The following MYG1 variants were observed in gnomAD, a reference collection of about 807,000 sequenced individuals.
MYG1 encodes the protein MYG1 exonuclease, also known as UPF0160 protein MYG1, mitochondrial.
A neutral mutation model predicts 43.5 loss-of-function variants in MYG1; 36 were observed. The observed-to-expected ratio is 0.83, with a 90% CI of 0.63 to 1.09. The LOEUF (loss-of-function observed/expected upper bound fraction) is 1.09, where lower values mean the gene tolerates loss of function less well. Ranked by LOEUF, MYG1 falls within the 50% of genes least tolerant of loss-of-function variation. The pLI is 0.00. For missense variants in MYG1, 529 were observed against 495.1 expected, an observed-to-expected ratio of 1.07 and a Z score of -0.65; for synonymous variants, 220 against 202.8, an observed-to-expected ratio of 1.08 and a Z score of -0.72.
In MYG1 at chr12:53,306,317, C is replaced by G; in HGVS notation, c.762C>G (p.Phe254Leu). ...ALVEEALAQRFQVDPSGEIVE... is the reference protein window; with the variant it reads ...ALVEEALAQRLQVDPSGEIVE... ...TGGAAGAGGCCCTTGCCCAGCGATT[C>G]CAGGTATAGGCCTTGGAGGAGGCAT... The change falls in exon 5 of 7, where the codon TTC (phenylalanine) becomes TTG (leucine). Residue 254 changes from phenylalanine to leucine, a missense_variant. Phe to Leu is a conservative substitution (Grantham distance 22, BLOSUM62 0). Transcript: ENST00000267103. 1 of 1,614,128 alleles carries G rather than the reference C, an allele frequency of 6.2e-7. No homozygotes were observed. Among genetic ancestry groups the G allele is most frequent in the Non-Finnish European group, 8.5e-7 (1 of 1,180,008 alleles).
chr12:53,307,031 C>T lies in MYG1; in HGVS notation c.1013C>T (p.Pro338Leu). 6.2e-7 allele frequency: 1 copy of T among 1,614,256 alleles called. No homozygotes were observed. The part of the protein sequence containing the change: ...DEALDQVSGI[P>L]GCIFVHASGF... ...GCCCTGGACCAGGTCAGTGGGATCC[C>T]TGGCTGCATCTTCGTCCATGCAAGC... The change falls in exon 7 of 7, where the codon CCT becomes CTT. Residue 338 changes from proline (P) to leucine (L), a missense_variant. Pro to Leu is a moderately conservative substitution (Grantham distance 98). Coordinates refer to ENST00000267103, the MANE Select transcript of MYG1 (RefSeq NM_021640.4).
chr12:53,304,079 G>A (rs999962020), intron 3 of MYG1, among the ~76,000 whole-genome samples: 13 of 151,774 alleles, frequency 8.6e-5, no homozygotes, highest in African/African-American at 2.9e-4. Flanking sequence ...TCCTGACCTC[G>A]TGATCTGCCC....
At position 53,306,016 on chromosome 12, in the gene MYG1, G is replaced by C; in HGVS notation, c.598G>C (p.Ala200Pro). The stretch of plus-strand genomic sequence containing the variant: ...GACCACTACCCTGAGTGCACGAGTT[G>C]CTCGACTTAATCCTACCTGGAACCA... ...ALTTTLSARVARLNPTWNHPD... is the reference protein window; with the variant it reads ...ALTTTLSARVPRLNPTWNHPD... Residue 200 changes from alanine to proline, a missense_variant, in exon 4 of 7, where the codon GCT becomes CCT. Ala to Pro is a conservative substitution (Grantham distance 27, BLOSUM62 -1). Transcript: ENST00000267103. 6.2e-7 allele frequency: 1 copy of C among 1,614,098 alleles called. No homozygotes were observed. The highest frequency in any genetic ancestry group is 8.5e-7 in the Non-Finnish European group (1 of 1,179,986).
chr12:53,303,068 G>T lies in MYG1; in HGVS notation c.364G>T (p.Gly122Trp), dbSNP rs1251185690. The change falls in exon 3 of 7, where the codon GGG (glycine) becomes TGG (tryptophan). Residue 122 changes from glycine to tryptophan, a missense_variant. Physicochemically the swap from Gly to Trp is radical, Grantham distance 184. Transcript: ENST00000267103. ...FTETMSSLSP[G>W]KPWQTKLSSA... Reference sequence around the variant, plus strand: ...AGAGACCATGAGCTCCCTGTCCCCTGGGAAGCCGTGGCAGACCAAGCTGAG... The same window carrying T: ...AGAGACCATGAGCTCCCTGTCCCCTTGGAAGCCGTGGCAGACCAAGCTGAG... 10 of 1,613,782 alleles carry T rather than the reference G, an allele frequency of 6.2e-6. No individual in the cohort carries two copies. Among genetic ancestry groups the T allele is most frequent in the Non-Finnish European group, 6.8e-6 (8 of 1,179,818 alleles).
intron 2 of MYG1, among the ~76,000 whole-genome samples, chr12:53,300,905 G>T (rs1944225174): frequency 6.6e-6 from 1 of 151,410 alleles, no homozygotes; most frequent in Non-Finnish European, 1.5e-5. Flanking sequence ...TTCTTCTCTG[G>T]GATTCTTTTT....
At chr12:53,303,000 C>T in intron 2 of MYG1, 34 bp from the exon 3 acceptor site, 1 of 1,555,542 alleles carries the variant, frequency 6.4e-7, no homozygotes, top group Non-Finnish European at 8.7e-7. Flanking sequence ...AGCCAAGGTC[C>T]CTCACCTCAG....
intron 3 of MYG1, among the ~76,000 whole-genome samples, chr12:53,305,273 A>C (rs1944264900): frequency 6.6e-6 from 1 of 152,074 alleles, no homozygotes; most frequent in Non-Finnish European, 1.5e-5. Context: ...TCTACATACC[A>C]CAGGTGTACT....
Position 53,303,057 on chromosome 12 carries a change from C to T in MYG1, c.353C>T (p.Ser118Phe). The part of the protein sequence containing the change: ...HQRSFTETMS[S>F]LSPGKPWQTK... ...AGGTCTTTCACAGAGACCATGAGCT[C>T]CCTGTCCCCTGGGAAGCCGTGGCAG... Residue 118 changes from serine (S) to phenylalanine (F), a missense_variant, in exon 3 of 7, where the codon TCC becomes TTC. Ser to Phe is a radical substitution (Grantham distance 155). Transcript: ENST00000267103. 1 of 1,613,404 alleles carries T rather than the reference C, an allele frequency of 6.2e-7. No homozygotes were observed. The highest frequency in any genetic ancestry group is 8.5e-7 in the Non-Finnish European group (1 of 1,179,542).
rs1393288005 is a variant in MYG1 at position 53,306,744 on chromosome 12, A to C, written c.830A>C (p.Tyr277Ser). The C allele has an allele frequency of 6.2e-7, 1 of 1,613,964 alleles. No individual in the cohort carries two copies. Among genetic ancestry groups the C allele is most frequent in the Non-Finnish European group, 8.5e-7 (1 of 1,180,008 alleles). ...KGACPWKEHL[Y>S]HLESGLSPPV... is the part of the protein sequence containing the mutation. ...GCATGTCCCTGGAAGGAGCATCTCT[A>C]CCACCTGGAATCTGGGCTGTCCCCT... Residue 277 changes from tyrosine to serine, a missense_variant, in exon 6 of 7, where the codon TAC becomes TCC. By Grantham distance (144) the Tyr-to-Ser change is moderately radical (BLOSUM62 -2). Coordinates refer to ENST00000267103, the MANE Select transcript of MYG1 (RefSeq NM_021640.4).
chr12:53,305,970 G>A lies in MYG1; in HGVS notation c.552G>A (p.Glu184=). The A allele has an allele frequency of 1.9e-6, 3 of 1,614,000 alleles. No homozygotes were observed. The highest frequency in any genetic ancestry group is 2.5e-6 in the Non-Finnish European group (3 of 1,179,958). ...ACAATGGGATCTCCCAGTGGGCAGA[G>A]GGGGAGCCTCGATATGCACTGACCA... ...AVDNGISQWA[E]GEPRYALTTT... is the part of the protein sequence containing the mutation. Residue 184 remains glutamate (E), a synonymous_variant, in exon 4 of 7, where the codon GAG becomes GAA. Transcript: ENST00000267103.
chr12:53,306,896 G>A (rs749310832), intron 6 of MYG1, 35 bp downstream of exon 6: 47 of 1,607,728 alleles, frequency 2.9e-5, no homozygotes, highest in Non-Finnish European at 3.9e-5. Flanking sequence ...CAGACCTTCA[G>A]GCTTGTCTCA....
chr12:53,303,222 C>A (rs1356491594), intron 3 of MYG1, 29 bp downstream of exon 3: 5 of 1,605,946 alleles, frequency 3.1e-6, no homozygotes, highest in Non-Finnish European at 4.3e-6. Context: ...AGATGCCCCC[C>A]ACATGCATTT....
chr12:53,307,054 A>T lies in MYG1; in HGVS notation c.1036A>T (p.Ser346Cys). ...GIPGCIFVHA[S>C]GFTGGHHTRE... ...CCCTGGCTGCATCTTCGTCCATGCA[A>T]GCGGCTTCACTGGCGGTCACCACAC... The change falls in exon 7 of 7, where the codon AGC becomes TGC. Residue 346 changes from serine to cysteine, a missense_variant. Transcript: ENST00000267103. 6.2e-7 allele frequency: 1 copy of T among 1,614,210 alleles called. No individual in the cohort carries two copies. Among genetic ancestry groups the T allele is most frequent in the Non-Finnish European group, 8.5e-7 (1 of 1,180,050 alleles).
At chr12:53,305,846 CAT>C in intron 3 of MYG1, 60 bp from the exon 4 acceptor site, 1 of 1,521,590 alleles carries the variant, frequency 6.6e-7, no homozygotes, top group Non-Finnish European at 8.8e-7. Context: ...TACTTTGAAT[CAT>C]GTAAGATTTC....
Position 53,306,685 on chromosome 12 carries a change from C to G in MYG1, c.771C>G (p.Asp257Glu). ...CTATGCTCTCCCTCTTTCAGGTGGA[C>G]CCAAGTGGAGAGATTGTGGAACTGG... Reference protein sequence around the residue: ...EEALAQRFQVDPSGEIVELAK... With the variant: ...EEALAQRFQVEPSGEIVELAK... Residue 257 changes from aspartate (D) to glutamate (E), a missense_variant, in exon 6 of 7, where the codon GAC becomes GAG. By Grantham distance (45) the Asp-to-Glu change is conservative (BLOSUM62 2). Coordinates refer to ENST00000267103, the MANE Select transcript of MYG1 (RefSeq NM_021640.4). 6.2e-7 allele frequency: 1 copy of G among 1,612,364 alleles called. No individual in the cohort carries two copies. The highest frequency in any genetic ancestry group is 8.5e-7 in the Non-Finnish European group (1 of 1,179,076).
rs201625641 is a variant in MYG1, at chr12:53,300,174, G to A, written c.241G>A (p.Asp81Asn). 6.2e-7 allele frequency: 1 copy of A among 1,604,940 alleles called. No individual in the cohort carries two copies. Among genetic ancestry groups the A allele is most frequent in the Non-Finnish European group, 8.5e-7 (1 of 1,175,064 alleles). ...GGATGCAGAGATTGTGCGGACCCGG[G>A]ATCCCGAAAAACTCGCTTCCTGTGA... ...YRDAEIVRTR[D>N]PEKLASCDIV... The change falls in exon 2 of 7, where the codon GAT (aspartate) becomes AAT (asparagine). Residue 81 changes from aspartate (D) to asparagine (N), a missense_variant. Physicochemically the swap from Asp to Asn is conservative, Grantham distance 23. Transcript: ENST00000267103.
In MYG1 at chr12:53,306,862, G is replaced by A; in HGVS notation, c.947+1G>A. ...AGGAGCCCCACTCATTCCAAAGCCG[G>A]TGAGGCCCTAGGGAACCACTCTGCA... is the stretch of plus-strand genomic sequence containing the variant. On this transcript the variant is annotated splice_donor_variant, in intron 6 of 6. Transcript: ENST00000267103. LOFTEE classifies it high-confidence loss of function. The A allele has an allele frequency of 6.2e-7, 1 of 1,612,532 alleles. No homozygotes were observed. Among genetic ancestry groups the A allele is most frequent in the Non-Finnish European group, 8.5e-7 (1 of 1,179,080 alleles).
Position 53,299,754 on chromosome 12 carries a change from T to C in MYG1, c.17T>C (p.Leu6Pro), listed in dbSNP as rs1214849740. 1.2e-6 allele frequency: 2 copies of C among 1,613,618 alleles called. No homozygotes were observed. The highest frequency in any genetic ancestry group is 1.7e-6 in the Non-Finnish European group (2 of 1,179,816). ...GAGCTGCTTATGGGACACCAATTCCTGCGCGGCCTCTTAACGCTGCTGCTG... is the reference window on the plus strand; with the variant it reads ...GAGCTGCTTATGGGACACCAATTCCCGCGCGGCCTCTTAACGCTGCTGCTG... MGHQF[L>P]RGLLTLLLPP... Residue 6 changes from leucine (L) to proline (P), a missense_variant, in exon 1 of 7, where the codon CTG becomes CCG. Physicochemically the swap from Leu to Pro is moderately conservative, Grantham distance 98. Transcript: ENST00000267103.
At chr12:53,300,312 C>G in intron 2 of MYG1, 50 bp downstream of exon 2, 1 of 1,381,238 alleles carries the variant, frequency 7.2e-7, no homozygotes. Context: ...CAGCTTTCCT[C>G]TGTGCTCCAA....
Sources: allele counts gnomAD v4.1 joint callset (sites outside exome capture counted in the v4.1 genomes callset), GRCh38; gene constraint gnomAD v4.1.1; transcripts MANE v1.5; gene names NCBI Gene and HGNC (gene_info 2026-07-23, HGNC 2026-07-21).